ATP8B4: variants seen among roughly 807,000 people sequenced by gnomAD.
The protein encoded by ATP8B4 is ATPase phospholipid transporting 8B4 (putative), also known as probable phospholipid-transporting ATPase IM.
Under a neutral mutation model 145.6 loss-of-function variants are expected in ATP8B4, and 133 were observed. The observed-to-expected ratio is 0.91, with a 90% CI of 0.79 to 1.05. The LOEUF (loss-of-function observed/expected upper bound fraction) is 1.05, where lower values mean the gene tolerates loss of function less well. Among genes scored for constraint, ATP8B4 ranks in the 50% least tolerant of loss-of-function variants. ATP8B4 has a pLI of 0.00. For missense variants in ATP8B4, 1,458 were observed against 1,425.2 expected (o/e 1.02, Z -0.37); for synonymous variants, 507 against 492.9 (o/e 1.03, Z -0.38).
chr15:49,893,543 C>T (rs2037055910), intron 23 of ATP8B4, among the ~76,000 whole-genome samples: 1 of 152,096 alleles, frequency 6.6e-6, no homozygotes, highest in Admixed American at 6.5e-5. Context: ...GTGAAATAAG[C>T]ATGTCACAAA....
At chr15:49,863,116 G>A (rs1014654314) in intron 26 of ATP8B4, among the ~76,000 whole-genome samples, 1 of 152,186 alleles carries the variant, frequency 6.6e-6, no homozygotes, top group Non-Finnish European at 1.5e-5. Flanking sequence ...TAAAAGGGGA[G>A]CTTTATCTAT....
chr15:50,181,790 A>G (rs566294878), intron 1 of ATP8B4, among the ~76,000 whole-genome samples: 22 of 152,322 alleles, frequency 1.4e-4, no homozygotes, highest in African/African-American at 5.3e-4. Flanking sequence ...GGAAGGAGAG[A>G]TGAGATTCTG....
intron 14 of ATP8B4, among the ~76,000 whole-genome samples, chr15:49,939,389 C>CAAA (rs1056090037): frequency 6.6e-6 from 1 of 151,614 alleles, no homozygotes; most frequent in East Asian, 1.9e-4. Flanking sequence ...AGAAAAGATC[C>CAAA]AAAAAACATA....
chr15:50,033,812 T>C (rs578235838), intron 6 of ATP8B4, among the ~76,000 whole-genome samples: 13 of 152,308 alleles, frequency 8.5e-5, no homozygotes, highest in African/African-American at 2.9e-4. Flanking sequence ...GAACTTGTGG[T>C]ATTTGGTTTT....
At chr15:50,051,025 G>C (rs1211827098) in intron 3 of ATP8B4, among the ~76,000 whole-genome samples, 1 of 152,054 alleles carries the variant, frequency 6.6e-6, no homozygotes, top group African/African-American at 2.4e-5. Flanking sequence ...CATTTGATAT[G>C]GTTGGGCTGT....
At chr15:50,159,761 T>C (rs2044486948) in intron 1 of ATP8B4, among the ~76,000 whole-genome samples, 1 of 152,206 alleles carries the variant, frequency 6.6e-6, no homozygotes, top group Admixed American at 6.5e-5. Flanking sequence ...ATTCTATTGA[T>C]ACGATGTACC....
intron 21 of ATP8B4, among the ~76,000 whole-genome samples, chr15:49,899,627 GTCTCTT>G (rs949211938): frequency 6.6e-6 from 1 of 151,896 alleles, no homozygotes; most frequent in Non-Finnish European, 1.5e-5. Flanking sequence ...GCCTAGAATG[GTCTCTT>G]TCTCTCTCTC....
chr15:49,994,232 C>T (rs79618990), intron 9 of ATP8B4, among the ~76,000 whole-genome samples: 15,951 of 152,106 alleles, frequency 0.1, 1,684 homozygotes, highest in African/African-American at 0.27. Context: ...CAGACACCTG[C>T]CTTCCAGGAG....
intron 1 of ATP8B4, among the ~76,000 whole-genome samples, chr15:50,115,517 G>T (rs182237194): frequency 6.6e-6 from 1 of 151,956 alleles, no homozygotes; most frequent in East Asian, 1.9e-4. Context: ...AGAAGAGCTT[G>T]CTAAATAAAA....
At chr15:50,099,212 A>T (rs923154240) in intron 2 of ATP8B4, among the ~76,000 whole-genome samples, 2 of 152,198 alleles carry the variant, frequency 1.3e-5, no homozygotes, top group Admixed American at 1.3e-4. Flanking sequence ...ATGAGATCTG[A>T]ATTAGGTATT....
chr15:50,077,442 G>A (rs1216779334), intron 2 of ATP8B4, among the ~76,000 whole-genome samples: 1 of 152,164 alleles, frequency 6.6e-6, no homozygotes, highest in South Asian at 2.1e-4. Flanking sequence ...AAGCAGATGA[G>A]ATCATTTTGA....
At chr15:49,922,919 G>A (rs1284475949) in intron 17 of ATP8B4, among the ~76,000 whole-genome samples, 1 of 152,196 alleles carries the variant, frequency 6.6e-6, no homozygotes, top group Non-Finnish European at 1.5e-5. Context: ...GAGAAAGTGT[G>A]CACCAGAGAC....
chr15:49,936,588 T>A (rs2041752353), intron 14 of ATP8B4, among the ~76,000 whole-genome samples: 1 of 152,176 alleles, frequency 6.6e-6, no homozygotes, highest in African/African-American at 2.4e-5. Context: ...CCTCTCTTTA[T>A]CCTTTCTGGT....
intron 1 of ATP8B4, among the ~76,000 whole-genome samples, chr15:50,115,475 G>T (rs2057135883): frequency 6.6e-6 from 1 of 152,052 alleles, no homozygotes; most frequent in African/African-American, 2.4e-5. Context: ...CTCACAGATG[G>T]CAATTCTGAG....
intron 10 of ATP8B4, 39 bp from the exon 11 acceptor site, chr15:49,981,333 A>G (rs1197880504): frequency 2.1e-6 from 3 of 1,426,894 alleles, no homozygotes; most frequent in Non-Finnish European, 2.9e-6. Context: ...TTGAAATGAT[A>G]TGATTATGTA....
At chr15:49,936,224 T>G (rs2041723559) in intron 14 of ATP8B4, among the ~76,000 whole-genome samples, 1 of 152,208 alleles carries the variant, frequency 6.6e-6, no homozygotes, top group Non-Finnish European at 1.5e-5. Flanking sequence ...TCAGGTCTGC[T>G]GCTCAGCTGC....
intron 2 of ATP8B4, among the ~76,000 whole-genome samples, chr15:50,102,190 AAAC>A (rs2153664238): frequency 6.6e-6 from 1 of 152,024 alleles, no homozygotes; most frequent in South Asian, 2.1e-4. Flanking sequence ...GGAACTAGAG[AAAC>A]AAGAACAAAC....
At chr15:50,064,692 T>C (rs919483176) in intron 3 of ATP8B4, among the ~76,000 whole-genome samples, 18 of 152,122 alleles carry the variant, frequency 1.2e-4, no homozygotes, top group African/African-American at 4.3e-4. Flanking sequence ...TACCTGAGAC[T>C]GGTAATTTAT....
At chr15:50,005,689 T>C (rs12899434) in intron 7 of ATP8B4, among the ~76,000 whole-genome samples, 57,074 of 152,050 alleles carry the variant, frequency 0.38, 10,898 homozygotes, top group East Asian at 0.57. Context: ...AGAGCTGGAA[T>C]TAGAATTTAG....
Sources: allele counts gnomAD v4.1 joint callset (sites outside exome capture counted in the v4.1 genomes callset), GRCh38; gene constraint gnomAD v4.1.1; transcripts MANE v1.5; gene names NCBI Gene and HGNC (gene_info 2026-07-23, HGNC 2026-07-21).